Variants in SPAST observed in about 807,000 individuals in gnomAD.
SPAST encodes the protein spastic paraplegia 4 (autosomal dominant; spastin).
Under a neutral mutation model 76.6 loss-of-function variants are expected in SPAST, and 30 were observed. That is an observed-to-expected ratio of 0.39 (90% confidence interval 0.29 to 0.53). SPAST has a LOEUF of 0.53. Among genes scored for constraint, SPAST ranks in the 20% least tolerant of loss-of-function variants. The pLI, the probability that SPAST is intolerant of heterozygous loss-of-function variation, is 0.68. For synonymous variants in SPAST, 305 were observed against 281.0 expected, an observed-to-expected ratio of 1.09 and a Z score of -0.86; for missense variants, 717 against 770.5, an observed-to-expected ratio of 0.93 and a Z score of 0.82.
intron 1 of SPAST, among the ~76,000 whole-genome samples, chr2:32,076,874 T>C (rs1353570785): frequency 6.6e-6 from 1 of 151,998 alleles, no homozygotes; most frequent in East Asian, 1.9e-4. Flanking sequence ...ATTGAGTGTT[T>C]GTTTTTTGTT....
At chr2:32,108,158 G>T (rs181665331) in intron 4 of SPAST, among the ~76,000 whole-genome samples, 7 of 152,032 alleles carry the variant, frequency 4.6e-5, no homozygotes, top group African/African-American at 1.7e-4. Flanking sequence ...AGAAAATATG[G>T]TATCAGTTAA....
intron 4 of SPAST, among the ~76,000 whole-genome samples, chr2:32,111,406 AGTATACT>A (rs1468688193): frequency 6.7e-6 from 1 of 149,102 alleles, no homozygotes; most frequent in Non-Finnish European, 1.5e-5. Context: ...GTATATATAT[AGTATACT>A]GTATAGTGTA....
intron 14 of SPAST, among the ~76,000 whole-genome samples, chr2:32,144,343 A>G (rs1679816869): frequency 6.6e-6 from 1 of 152,224 alleles, no homozygotes; most frequent in Non-Finnish European, 1.5e-5. Flanking sequence ...GTTGGCCACC[A>G]GTAGTTTGTA....
chr2:32,084,514 G>T (rs1180027229), intron 1 of SPAST, among the ~76,000 whole-genome samples: 1 of 151,994 alleles, frequency 6.6e-6, no homozygotes, highest in Non-Finnish European at 1.5e-5. Flanking sequence ...GTATGCATTA[G>T]GGGACAGGTA....
At chr2:32,106,889 GA>G (rs770702459) in intron 4 of SPAST, among the ~76,000 whole-genome samples, 12,022 of 136,990 alleles carry the variant, frequency 0.088, 568 homozygotes, top group Middle Eastern at 0.13. Context: ...GGCACTTACT[GA>G]AAAAAAAAAA....
At chr2:32,089,094 C>T (rs1256961823) in intron 2 of SPAST, among the ~76,000 whole-genome samples, 3 of 152,038 alleles carry the variant, frequency 2.0e-5, no homozygotes, top group Non-Finnish European at 4.4e-5. Flanking sequence ...CAGGGTCTCA[C>T]CCTGTTGCCC....
chr2:32,093,781 G>A (rs1677814555), intron 3 of SPAST, among the ~76,000 whole-genome samples: 1 of 151,936 alleles, frequency 6.6e-6, no homozygotes, highest in South Asian at 2.1e-4. Context: ...ACAGTGTAGG[G>A]ACTTAATAAA....
At chr2:32,072,451 TTTAATG>T (rs1273863510) in intron 1 of SPAST, among the ~76,000 whole-genome samples, 3 of 152,126 alleles carry the variant, frequency 2.0e-5, no homozygotes, top group Non-Finnish European at 4.4e-5. Context: ...ATATCTCTGT[TTTAATG>T]TTAATGCTGA....
chr2:32,131,290 C>T (rs1679362046), intron 9 of SPAST, among the ~76,000 whole-genome samples: 1 of 152,130 alleles, frequency 6.6e-6, no homozygotes, highest in Non-Finnish European at 1.5e-5. Flanking sequence ...CAAACTATTC[C>T]CCGTTATTAT....
chr2:32,080,262 T>G (rs1181963590), intron 1 of SPAST, among the ~76,000 whole-genome samples: 2 of 152,204 alleles, frequency 1.3e-5, no homozygotes, highest in Non-Finnish European at 2.9e-5. Flanking sequence ...TTCCCATTTT[T>G]TAATTGGGTT....
intron 7 of SPAST, among the ~76,000 whole-genome samples, chr2:32,125,969 G>C (rs970367834): frequency 6.6e-6 from 1 of 152,016 alleles, no homozygotes. Flanking sequence ...TAATTTTTTT[G>C]TATTTTTAGT....
chr2:32,134,515 G>T (rs1679472028), intron 9 of SPAST, among the ~76,000 whole-genome samples: 1 of 150,780 alleles, frequency 6.6e-6, no homozygotes, highest in Non-Finnish European at 1.5e-5. Context: ...TGTTGCCAGG[G>T]CTGGTCTCAA....
At chr2:32,140,330 G>T (rs1679674969) in intron 12 of SPAST, among the ~76,000 whole-genome samples, 2 of 152,038 alleles carry the variant, frequency 1.3e-5, no homozygotes, top group Non-Finnish European at 2.9e-5. Context: ...GCATCTGTAT[G>T]TTATTTCCAT....
chr2:32,101,077 A>G (rs1031842991), intron 4 of SPAST, among the ~76,000 whole-genome samples: 1 of 152,320 alleles, frequency 6.6e-6, no homozygotes, highest in African/African-American at 2.4e-5. Flanking sequence ...GTTCCCATCA[A>G]CAGTGTAAAA....
chr2:32,147,392 G>A (rs1195358070), intron 16 of SPAST, 134 bp downstream of exon 16: 13 of 572,688 alleles, frequency 2.3e-5, no homozygotes, highest in Middle Eastern at 4.8e-4. Flanking sequence ...GCATGATATC[G>A]GCTCACTGCA....
chr2:32,133,191 A>T (rs1240464774), intron 9 of SPAST, among the ~76,000 whole-genome samples: 2 of 152,224 alleles, frequency 1.3e-5, no homozygotes, highest in Non-Finnish European at 2.9e-5. Context: ...TCCACAAAAA[A>T]TCAGTTACAT....
At chr2:32,075,793 A>AT (rs1363867058) in intron 1 of SPAST, among the ~76,000 whole-genome samples, 3 of 136,008 alleles carry the variant, frequency 2.2e-5, no homozygotes, top group African/African-American at 8.3e-5. Context: ...AGCTCAAGTG[A>AT]TCCCCCCTCC....
Position 32,064,159 on chromosome 2 carries a change from G to A in SPAST, c.328G>A (p.Gly110Ser). The A allele has an allele frequency of 6.4e-7, 1 of 1,554,722 alleles. No homozygotes were observed. Among genetic ancestry groups the A allele is most frequent in the Non-Finnish European group, 8.7e-7 (1 of 1,149,868 alleles). ...GGCCTCGGCCCCGGCGCCGGTGCCGGGCGGCGAGGCCGAGCGCGTCCGAGT... is the reference window on the plus strand; with the variant it reads ...GGCCTCGGCCCCGGCGCCGGTGCCGAGCGGCGAGGCCGAGCGCGTCCGAGT... ...ASASAPAPVP[G>S]GEAERVRVFH... The change falls in exon 1 of 17, where the codon GGC (glycine) becomes AGC (serine). Residue 110 changes from glycine (G) to serine (S), a missense_variant. Gly to Ser is a moderately conservative substitution (Grantham distance 56, BLOSUM62 0). This residue lies in a region of SPAST where 543 missense variants were observed against 445.2 expected (regional missense o/e 1.22). Coordinates refer to ENST00000315285, the MANE Select transcript of SPAST (RefSeq NM_014946.4).
At chr2:32,136,106 A>G (rs796114568) in intron 9 of SPAST, among the ~76,000 whole-genome samples, 16 of 152,178 alleles carry the variant, frequency 1.1e-4, no homozygotes, top group African/African-American at 3.6e-4. Flanking sequence ...AAAAAAAGAA[A>G]TTTTGATATT....
Sources: allele counts gnomAD v4.1 joint callset (sites outside exome capture counted in the v4.1 genomes callset), GRCh38; gene constraint gnomAD v4.1.1; regional missense constraint gnomAD v4.1.1; transcripts MANE v1.5; gene names NCBI Gene and HGNC (gene_info 2026-07-23, HGNC 2026-07-21).